Variants in DERA observed in about 807,000 individuals in gnomAD.
DERA encodes 2-deoxy-D-ribose 5-phosphate aldolase.
Under a neutral mutation model 41.1 loss-of-function variants are expected in DERA, and 15 were observed. The observed-to-expected ratio is 0.37, with a 90% CI of 0.24 to 0.56. DERA has a LOEUF of 0.56. DERA is among the 20% of genes least tolerant of loss of function. The probability of loss-of-function intolerance (pLI) is 0.81; values close to 1 mark genes in which losing one functional copy is unlikely to be tolerated. For missense variants in DERA, 396 were observed against 403.4 expected (o/e 0.98, Z 0.16); for synonymous variants, 139 against 137.4 (o/e 1.01, Z -0.08).
At chr12:15,974,636 T>TA (rs2136157355) in intron 5 of DERA, among the ~76,000 whole-genome samples, 1 of 152,352 alleles carries the variant, frequency 6.6e-6, no homozygotes, top group Admixed American at 6.5e-5. Context: ...GTAAAATTAA[T>TA]AAGTATTTTG....
At chr12:15,955,072 G>C (rs1389395829) in intron 1 of DERA, among the ~76,000 whole-genome samples, 1 of 152,052 alleles carries the variant, frequency 6.6e-6, no homozygotes, top group Admixed American at 6.5e-5. Flanking sequence ...GGGCGAGGCA[G>C]GTAGATCACT....
At chr12:15,952,591 T>C (rs1209461168) in intron 1 of DERA, among the ~76,000 whole-genome samples, 2 of 152,252 alleles carry the variant, frequency 1.3e-5, no homozygotes, top group Non-Finnish European at 2.9e-5. Flanking sequence ...CTTAGCCAAG[T>C]GTACCCCAAA....
intron 6 of DERA, among the ~76,000 whole-genome samples, chr12:15,987,393 C>T (rs569677741): frequency 3.9e-5 from 6 of 151,936 alleles, no homozygotes; most frequent in South Asian, 2.1e-4. Flanking sequence ...TACACTACCA[C>T]GCCTGGCTAA....
At position 16,036,939 on chromosome 12, in the gene DERA, G is replaced by C. The variant is rs537283390; in HGVS notation, c.*193G>C. On this transcript the variant is annotated 3_prime_UTR_variant, in exon 9 of 9. Coordinates refer to ENST00000428559, the MANE Select transcript of DERA (RefSeq NM_015954.4). This position sits in a 1 kb window ranked among gnomAD's most constrained non-coding sequence, Gnocchi z 4.9. ...TGTGGTACTCATTTCAGGCACATCT[G>C]AAATGATCTTAATTACTAGAAGATC... is the stretch of plus-strand genomic sequence containing the variant. 5.0e-5 allele frequency: 27 copies of C among 544,260 alleles called. No homozygotes were observed. Among genetic ancestry groups the C allele is most frequent in the Non-Finnish European group, 8.1e-5 (25 of 310,310 alleles). The allele number at this position is 544,260 out of a possible 1,614,324, so 33.7% of individuals were successfully genotyped here.
At chr12:15,946,589 T>A (rs1259393926) in intron 1 of DERA, among the ~76,000 whole-genome samples, 1 of 152,126 alleles carries the variant, frequency 6.6e-6, no homozygotes, top group African/African-American at 2.4e-5. Flanking sequence ...CTTTTTTTTT[T>A]ATTGCATCTA....
At chr12:15,919,580 A>C (rs2136123721) in intron 1 of DERA, among the ~76,000 whole-genome samples, 1 of 152,352 alleles carries the variant, frequency 6.6e-6, no homozygotes, top group East Asian at 1.9e-4. Context: ...GTATGTGTCT[A>C]CGAATGTACT....
intron 6 of DERA, among the ~76,000 whole-genome samples, chr12:16,025,714 C>T (rs1436583476): frequency 6.6e-6 from 1 of 152,092 alleles, no homozygotes; most frequent in Non-Finnish European, 1.5e-5. Flanking sequence ...ATCAAATTAA[C>T]ATTTATAGAA....
rs575559813 is a variant in DERA, at chr12:15,983,461, A to T, written c.637+1025A>T. Among the ~76,000 whole-genome samples, 1 of 152,060 alleles carries T rather than the reference A, an allele frequency of 6.6e-6. No homozygotes were observed. Among genetic ancestry groups the T allele is most frequent in the Non-Finnish European group, 1.5e-5 (1 of 68,026 alleles). On this transcript the variant is annotated intron_variant, in intron 6 of 8. Coordinates refer to ENST00000428559, the MANE Select transcript of DERA (RefSeq NM_015954.4). The surrounding 1 kb of genome is among the most constrained non-coding windows in gnomAD (Gnocchi z 6.2). ...TCCTGCCCGGAATGCCTTTTGCCCA[A>T]ATAACTCCACATCTTGGGGTTCAGC...
chr12:15,986,509 T>G (rs1565605741), intron 6 of DERA, among the ~76,000 whole-genome samples: 1 of 152,202 alleles, frequency 6.6e-6, no homozygotes, highest in Non-Finnish European at 1.5e-5. Flanking sequence ...AAGTGGTTGC[T>G]CTAACAATGT....
rs1309172160 is a variant in DERA, at chr12:16,021,731, A to G, written c.638-10811A>G. 6.6e-6 allele frequency among the ~76,000 whole-genome samples: 1 copy of G among 152,160 alleles called. No homozygotes were observed. The highest frequency in any genetic ancestry group is 1.5e-5 in the Non-Finnish European group (1 of 68,034). ...AAGGAGATTATTTTGGAGCTTTAAG[A>G]CTTAATGACTGCCCTGCTGAGTTTG... On this transcript the variant is annotated intron_variant, in intron 6 of 8. Transcript: ENST00000428559. This position sits in a 1 kb window ranked among gnomAD's most constrained non-coding sequence, Gnocchi z 5.3.
rs917930862 is a variant in DERA, at chr12:15,999,752, TTGAC to T, written c.637+17320_637+17323del. Among the ~76,000 whole-genome samples the T allele has an allele frequency of 3.3e-5, 5 of 152,192 alleles. No individual in the cohort carries two copies. The highest frequency in any genetic ancestry group is 4.8e-5 in the African/African-American group (2 of 41,454). ...AATTTTTAGCCTGAGGAATGAATGA[TTGAC>T]TGAGTAACTCATTCATTCATTCATT... On this transcript the variant is annotated intron_variant, in intron 6 of 8. Coordinates refer to ENST00000428559, the MANE Select transcript of DERA (RefSeq NM_015954.4). The surrounding 1 kb of genome is among the most constrained non-coding windows in gnomAD (Gnocchi z 5.3).
At chr12:16,025,184 A>G (rs1287291522) in intron 6 of DERA, among the ~76,000 whole-genome samples, 1 of 152,176 alleles carries the variant, frequency 6.6e-6, no homozygotes, top group Non-Finnish European at 1.5e-5. Context: ...TGGAAAAGTA[A>G]TAAACATGGT....
chr12:15,961,978 G>A (rs889958010), intron 4 of DERA, among the ~76,000 whole-genome samples: 3 of 152,094 alleles, frequency 2.0e-5, no homozygotes, highest in Non-Finnish European at 4.4e-5. Flanking sequence ...TCTTCACCTC[G>A]GATGATCCGC....
rs542375554 is a variant in DERA at position 16,032,229 on chromosome 12, T to C, written c.638-313T>C. On this transcript the variant is annotated intron_variant, in intron 6 of 8. Coordinates refer to ENST00000428559, the MANE Select transcript of DERA (RefSeq NM_015954.4). ...ATAATATTAAGCATAGGGCATAAAATTGTTTTTATTCATCTCAGTTATGTA... is the reference window on the plus strand; with the variant it reads ...ATAATATTAAGCATAGGGCATAAAACTGTTTTTATTCATCTCAGTTATGTA... 3.9e-5 allele frequency among the ~76,000 whole-genome samples: 6 copies of C among 152,324 alleles called. No homozygotes were observed. The South Asian group carries it at 1.2e-3, about 32-fold the overall frequency.
At position 15,938,800 on chromosome 12, in the gene DERA, A is replaced by G. The variant is rs1379725308; in HGVS notation, c.32-18136A>G. 6.6e-6 allele frequency among the ~76,000 whole-genome samples: 1 copy of G among 152,204 alleles called. No individual in the cohort carries two copies. Among genetic ancestry groups the G allele is most frequent in the Non-Finnish European group, 1.5e-5 (1 of 68,028 alleles). ...TATAAGACAAAACTTGTCAAATAAG[A>G]TGTTTCTGTTTATGATCCTTTGGGA... is the stretch of plus-strand genomic sequence containing the variant. On this transcript the variant is annotated intron_variant, in intron 1 of 8. Coordinates refer to ENST00000428559, the MANE Select transcript of DERA (RefSeq NM_015954.4). This position sits in a 1 kb window ranked among gnomAD's most constrained non-coding sequence, Gnocchi z 4.1.
chr12:15,949,189 A>C (rs1336594049), intron 1 of DERA, among the ~76,000 whole-genome samples: 2 of 152,112 alleles, frequency 1.3e-5, no homozygotes, highest in South Asian at 2.1e-4. Flanking sequence ...TCAGATCTCA[A>C]ACTCCATGCT....
intron 1 of DERA, among the ~76,000 whole-genome samples, chr12:15,944,842 C>T (rs1475036116): frequency 6.6e-6 from 1 of 152,112 alleles, no homozygotes; most frequent in Non-Finnish European, 1.5e-5. Context: ...AGGTTTTCTT[C>T]TAGGGTTTTT....
intron 1 of DERA, among the ~76,000 whole-genome samples, chr12:15,925,594 C>T (rs16911429): frequency 1.3e-5 from 2 of 151,962 alleles, no homozygotes; most frequent in Non-Finnish European, 2.9e-5. Context: ...CATAGATTAC[C>T]TTTATAACTT....
At position 15,970,732 on chromosome 12, in the gene DERA, G is replaced by C. The variant is rs10772886; in HGVS notation, c.508+7785G>C. ...CTGTTCAAGATGTACACATGTACTT[G>C]GTATATCTGTAGACCTGATTCTTTC... On this transcript the variant is annotated intron_variant, in intron 5 of 8. Coordinates refer to ENST00000428559, the MANE Select transcript of DERA (RefSeq NM_015954.4). The surrounding 1 kb of genome is among the most constrained non-coding windows in gnomAD (Gnocchi z 4.3). Among the ~76,000 whole-genome samples, 97 of 152,010 alleles carry C rather than the reference G, an allele frequency of 6.4e-4. No homozygotes were observed. Among genetic ancestry groups the C allele is most frequent in the African/African-American group, 2.2e-3 (92 of 41,418 alleles).
Sources: allele counts gnomAD v4.1 joint callset (sites outside exome capture counted in the v4.1 genomes callset), GRCh38; gene constraint gnomAD v4.1.1; non-coding constraint Gnocchi (gnomAD v3.1); transcripts MANE v1.5; gene names NCBI Gene and HGNC (gene_info 2026-07-23, HGNC 2026-07-21).